KAT6B: variants seen among roughly 807,000 people sequenced by gnomAD.
The protein encoded by KAT6B is histone acetyltransferase KAT6B.
In KAT6B, 10 loss-of-function variants were observed where a neutral mutation model predicts 187.5. The observed-to-expected ratio is 0.05, with a 90% CI of 0.03 to 0.09. The LOEUF is 0.09. Among genes scored for constraint, KAT6B ranks in the 10% least tolerant of loss-of-function variants. The pLI, the probability that KAT6B is intolerant of heterozygous loss-of-function variation, is 1.00. For missense variants in KAT6B, 1,952 were observed against 2,558.9 expected (o/e 0.76, Z 5.12); for synonymous variants, 861 against 926.8 (o/e 0.93, Z 1.29).
At chr10:74,976,630 G>A (rs1842180009) in intron 8 of KAT6B, 2 of 443,146 alleles carry the variant, frequency 4.5e-6, no homozygotes, top group South Asian at 4.2e-5. Context: ...AGTCCCGCAT[G>A]AGTAGCCACT....
intron 1 of KAT6B, among the ~76,000 whole-genome samples, chr10:74,836,011 T>C (rs1253083427): frequency 6.6e-6 from 1 of 152,228 alleles, no homozygotes; most frequent in Non-Finnish European, 1.5e-5. Flanking sequence ...TCCACCAATC[T>C]GTGTTTTGTC....
At chr10:74,861,678 CT>C (rs572535820) in intron 3 of KAT6B, among the ~76,000 whole-genome samples, 1 of 152,286 alleles carries the variant, frequency 6.6e-6, no homozygotes, top group South Asian at 2.1e-4. Context: ...ATGAAGAAAA[CT>C]TCTTTTAATG....
chr10:74,928,597 G>C (rs942274920), intron 3 of KAT6B, among the ~76,000 whole-genome samples: 1 of 152,082 alleles, frequency 6.6e-6, no homozygotes, highest in Non-Finnish European at 1.5e-5. Context: ...TCACTGGTGG[G>C]GGGCCTGGTT....
chr10:74,993,182 G>A (rs576467099), intron 13 of KAT6B, among the ~76,000 whole-genome samples: 1 of 152,272 alleles, frequency 6.6e-6, no homozygotes, highest in South Asian at 2.1e-4. Flanking sequence ...CTGAGCACTG[G>A]GGGCCCAGAG....
chr10:74,878,070 A>G (rs1844555460), intron 3 of KAT6B, among the ~76,000 whole-genome samples: 1 of 152,232 alleles, frequency 6.6e-6, no homozygotes, highest in Non-Finnish European at 1.5e-5. Context: ...AAGGGATGGC[A>G]TTAAATCACA....
At position 74,843,114 on chromosome 10, in the gene KAT6B, G is replaced by A. The variant is rs1456015739; in HGVS notation, c.257G>A (p.Gly86Asp). 6.2e-7 allele frequency: 1 copy of A among 1,614,040 alleles called. No individual in the cohort carries two copies. The highest frequency in any genetic ancestry group is 1.3e-5 in the African/African-American group (1 of 74,906). ...GGGCGCTTTTCATCAGTTAAACCAG[G>A]CACTTTTCCTAAGTCAGCCAAGGGG... is the stretch of plus-strand genomic sequence containing the variant. ...NPGRFSSVKP[G>D]TFPKSAKGSR... Residue 86 changes from glycine (G) to aspartate (D), a missense_variant, in exon 3 of 18, where the codon GGC becomes GAC. Transcript: ENST00000287239.
intron 3 of KAT6B, among the ~76,000 whole-genome samples, chr10:74,887,057 C>T (rs74339626): frequency 1.6e-3 from 237 of 152,304 alleles, no homozygotes; most frequent in Admixed American, 3.0e-3. Flanking sequence ...CTTTCTCCAC[C>T]GTCTCTCTGG....
intron 3 of KAT6B, among the ~76,000 whole-genome samples, chr10:74,863,269 T>A (rs1266669102): frequency 6.6e-6 from 1 of 152,240 alleles, no homozygotes; most frequent in Non-Finnish European, 1.5e-5. Context: ...TAATTTTGTA[T>A]CTTCCTTTCT....
intron 16 of KAT6B, among the ~76,000 whole-genome samples, chr10:75,024,506 C>T (rs548224925): frequency 6.6e-6 from 1 of 152,258 alleles, no homozygotes; most frequent in East Asian, 1.9e-4. Flanking sequence ...CAGTGCTGTC[C>T]ACATAGTGGG....
At chr10:74,938,121 TGTTGTTGTC>T (rs932236909) in intron 3 of KAT6B, among the ~76,000 whole-genome samples, 5 of 152,174 alleles carry the variant, frequency 3.3e-5, no homozygotes, top group African/African-American at 4.8e-5. Context: ...GTTTCGTTGT[TGTTGTTGTC>T]GTTGTTGTTT....
chr10:74,995,962 C>T (rs1008191797), intron 13 of KAT6B, among the ~76,000 whole-genome samples: 4 of 152,316 alleles, frequency 2.6e-5, no homozygotes, highest in East Asian at 1.9e-4. Flanking sequence ...ATACAAAACC[C>T]GTTCTCCTGG....
chr10:74,846,942 T>A (rs1842149549), intron 3 of KAT6B, among the ~76,000 whole-genome samples: 1 of 152,236 alleles, frequency 6.6e-6, no homozygotes, highest in South Asian at 2.1e-4. Context: ...AATTTTGTGA[T>A]CCAGGGGATA....
chr10:75,021,963 C>T lies in KAT6B; in HGVS notation c.3104C>T (p.Ser1035Leu). Residue 1035 changes from serine to leucine, a missense_variant, in exon 16 of 18, where the codon TCA becomes TTA. By Grantham distance (145) the Ser-to-Leu change is moderately radical (BLOSUM62 -2). Transcript: ENST00000287239. Reference sequence around the variant, plus strand: ...TCAACTAGAGCTAACAGTAGGCAATCACCTGCAAAAGTACAATCGAAAAAT... The same window carrying T: ...TCAACTAGAGCTAACAGTAGGCAATTACCTGCAAAAGTACAATCGAAAAAT... The part of the protein sequence containing the change: ...ILSTRANSRQ[S>L]PAKVQSKNKY... The T allele has an allele frequency of 6.2e-7, 1 of 1,614,214 alleles. No homozygotes were observed. Among genetic ancestry groups the T allele is most frequent in the Non-Finnish European group, 8.5e-7 (1 of 1,180,040 alleles).
At chr10:75,008,342 A>G (rs749854902) in intron 13 of KAT6B, among the ~76,000 whole-genome samples, 9 of 152,192 alleles carry the variant, frequency 5.9e-5, no homozygotes, top group Non-Finnish European at 1.0e-4. Flanking sequence ...AGCAGTTCTA[A>G]AATTTGTGGT....
intron 3 of KAT6B, among the ~76,000 whole-genome samples, chr10:74,855,597 C>T (rs1842765086): frequency 6.6e-6 from 1 of 152,192 alleles, no homozygotes; most frequent in African/African-American, 2.4e-5. Flanking sequence ...AAAACAGGAT[C>T]TGCTAGTGGA....
intron 4 of KAT6B, among the ~76,000 whole-genome samples, chr10:74,962,185 T>G (rs1841143726): frequency 6.6e-6 from 1 of 152,268 alleles, no homozygotes; most frequent in Non-Finnish European, 1.5e-5. Context: ...TGTACATATT[T>G]ATTCATCTGA....
intron 3 of KAT6B, among the ~76,000 whole-genome samples, chr10:74,927,452 CTTTTT>C (rs11479404): frequency 3.4e-5 from 4 of 116,688 alleles, no homozygotes; most frequent in Non-Finnish European, 3.5e-5. Context: ...TGCAAGAAAC[CTTTTT>C]TTTTTTTTTT....
rs577763551 is a variant in KAT6B at position 74,982,017 on chromosome 10, A to C, written c.2373+89A>C. 6 of 1,223,436 alleles carry C rather than the reference A, an allele frequency of 4.9e-6. No individual in the cohort carries two copies. In the South Asian group the frequency reaches 7.5e-5, roughly 15 times the overall value. 75.8% of individuals were successfully genotyped at this position (1,223,436 alleles called of 1,614,324 possible). A position where few individuals can be genotyped will look rare whatever the true frequency, so the allele number is the denominator to read the frequency against. ...GTGCTGATTTGTGTTTAGAAGGTAC[A>C]AAGTATACTTAATTTTGGCACTGAA... On this transcript the variant is annotated intron_variant, in intron 11 of 17. Transcript: ENST00000287239.
At chr10:74,896,476 G>C (rs1845996296) in intron 3 of KAT6B, among the ~76,000 whole-genome samples, 1 of 152,076 alleles carries the variant, frequency 6.6e-6, no homozygotes, top group South Asian at 2.1e-4. Flanking sequence ...TTTTAGTAGA[G>C]ATGGGGTTTC....
Sources: allele counts gnomAD v4.1 joint callset (sites outside exome capture counted in the v4.1 genomes callset), GRCh38; gene constraint gnomAD v4.1.1; transcripts MANE v1.5; gene names NCBI Gene and HGNC (gene_info 2026-07-23, HGNC 2026-07-21).